Variants in GTPBP10 observed in about 807,000 individuals in gnomAD.
GTPBP10 encodes the protein GTP-binding protein 10.
A neutral mutation model predicts 44.8 loss-of-function variants in GTPBP10; 38 were observed. That is an observed-to-expected ratio of 0.85 (90% confidence interval 0.65 to 1.11). The LOEUF (loss-of-function observed/expected upper bound fraction) is 1.11, where lower values mean the gene tolerates loss of function less well. Ranked by LOEUF, GTPBP10 falls within the 50% of genes most tolerant of loss-of-function variation. The pLI is 0.00. For synonymous variants in GTPBP10, 152 were observed against 150.6 expected, an observed-to-expected ratio of 1.01 and a Z score of -0.07; for missense variants, 462 against 453.7, an observed-to-expected ratio of 1.02 and a Z score of -0.17.
chr7:90,357,801 G>C (rs1420297561), intron 4 of GTPBP10, among the ~76,000 whole-genome samples: 4 of 152,070 alleles, frequency 2.6e-5, no homozygotes, highest in Non-Finnish European at 5.9e-5. Context: ...TTTCATACAT[G>C]GTGGGCCTTT....
rs1252502230 is a variant in GTPBP10, at chr7:90,389,822, C to T, written c.*4668C>T. The T allele has an allele frequency of 3.3e-5, 5 of 151,960 alleles. No homozygotes were observed. The allele number at this position is 151,960 out of a possible 1,614,324, so 9.4% of individuals were successfully genotyped here. A position where few individuals can be genotyped will look rare whatever the true frequency, so the allele number is the denominator to read the frequency against. ...TAGTTTTATTTATTCTTTTTAGAGA[C>T]AGGGTCTCTCTGTGGAGTGCAGTGG... On this transcript the variant is annotated 3_prime_UTR_variant, in exon 10 of 10. Coordinates refer to ENST00000222511, the MANE Select transcript of GTPBP10 (RefSeq NM_033107.4).
intron 1 of GTPBP10, among the ~76,000 whole-genome samples, chr7:90,350,320 G>T (rs966675197): frequency 6.6e-6 from 1 of 152,188 alleles, no homozygotes; most frequent in African/African-American, 2.4e-5. Context: ...CATTTGGGTT[G>T]GTTCCAAGTC....
chr7:90,353,760 C>G (rs980481783), intron 2 of GTPBP10, among the ~76,000 whole-genome samples: 2 of 151,034 alleles, frequency 1.3e-5, no homozygotes, highest in Non-Finnish European at 2.9e-5. Flanking sequence ...TGTAAGTACT[C>G]TCATTTGAGG....
Position 90,358,621 on chromosome 7 carries a change from G to T in GTPBP10, c.464+3391G>T, listed in dbSNP as rs140354918. Among the ~76,000 whole-genome samples the T allele has an allele frequency of 3.9e-5, 6 of 152,160 alleles. No homozygotes were observed. In the East Asian group the frequency reaches 1.2e-3, roughly 29 times the overall value. On this transcript the variant is annotated intron_variant, in intron 4 of 9. Transcript: ENST00000222511. Reference sequence around the variant, plus strand: ...CTCATTATATACGAAAATTAAGATAGATTAAAGATTTTAATCTAAGACCTG... The same window carrying T: ...CTCATTATATACGAAAATTAAGATATATTAAAGATTTTAATCTAAGACCTG...
rs1374517679 is a variant in GTPBP10 at position 90,391,045 on chromosome 7, A to G, written c.*5891A>G. Reference sequence around the variant, plus strand: ...AGTCAAGTGAATTCTAATGGGGGAAATAAGAGGACTATATAAAAATTGAAC... The same window carrying G: ...AGTCAAGTGAATTCTAATGGGGGAAGTAAGAGGACTATATAAAAATTGAAC... On this transcript the variant is annotated 3_prime_UTR_variant, in exon 10 of 10. Coordinates refer to ENST00000222511, the MANE Select transcript of GTPBP10 (RefSeq NM_033107.4). 1 of 152,220 alleles carries G rather than the reference A, an allele frequency of 6.6e-6. No homozygotes were observed. The highest frequency in any genetic ancestry group is 2.4e-5 in the African/African-American group (1 of 41,468). The allele number at this position is 152,220 out of a possible 1,614,324, so 9.4% of individuals were successfully genotyped here. A position where few individuals can be genotyped will look rare whatever the true frequency, so the allele number is the denominator to read the frequency against.
At chr7:90,383,197 G>T (rs1796462311) in intron 9 of GTPBP10, 118 bp downstream of exon 9, 1 of 616,300 alleles carries the variant, frequency 1.6e-6, no homozygotes, top group Non-Finnish European at 2.5e-6. Context: ...TTTGAAGAAA[G>T]AATATACAAA....
At chr7:90,372,099 G>T in intron 4 of GTPBP10, 56 bp from the exon 5 acceptor site, 2 of 1,013,138 alleles carry the variant, frequency 2.0e-6, no homozygotes, top group Non-Finnish European at 3.0e-6. Context: ...TGAATTGTTA[G>T]GAATTCAGAG....
chr7:90,382,983 C>G lies in GTPBP10; in HGVS notation c.805C>G (p.Gln269Glu). ...KELELYKEEL[Q>E]TKPALLAVNK... is the part of the protein sequence containing the mutation. Reference sequence around the variant, plus strand: ...GTTGGAATTGTACAAAGAGGAACTTCAGACAAAACCTGCACTCTTGGCAGT... The same window carrying G: ...GTTGGAATTGTACAAAGAGGAACTTGAGACAAAACCTGCACTCTTGGCAGT... The change falls in exon 9 of 10, where the codon CAG (glutamine) becomes GAG (glutamate). Residue 269 changes from glutamine to glutamate, a missense_variant. By Grantham distance (29) the Gln-to-Glu change is conservative. Transcript: ENST00000222511. 10 of 1,582,740 alleles carry G rather than the reference C, an allele frequency of 6.3e-6. No homozygotes were observed. The highest frequency in any genetic ancestry group is 8.6e-6 in the Non-Finnish European group (10 of 1,160,294).
chr7:90,372,356 T>C, intron 5 of GTPBP10, 128 bp downstream of exon 5: 1 of 627,718 alleles, frequency 1.6e-6, no homozygotes, highest in East Asian at 2.8e-5. Flanking sequence ...GCAGATAGAC[T>C]ACTGTTGCAC....
chr7:90,365,129 C>T (rs1357998589), intron 4 of GTPBP10, among the ~76,000 whole-genome samples: 3 of 152,108 alleles, frequency 2.0e-5, no homozygotes, highest in South Asian at 4.1e-4. Context: ...GGGCTGCACC[C>T]ACTGTCCTGC....
intron 4 of GTPBP10, among the ~76,000 whole-genome samples, chr7:90,363,567 A>AT (rs1251783828): frequency 6.6e-6 from 1 of 151,946 alleles, no homozygotes; most frequent in Non-Finnish European, 1.5e-5. Flanking sequence ...TGCCCTTAAC[A>AT]TTTTTTCCTT....
rs796521597 is a variant in GTPBP10, at chr7:90,389,987, T to A, written c.*4833T>A. 6 of 152,324 alleles carry A rather than the reference T, an allele frequency of 3.9e-5. No homozygotes were observed. The highest frequency in any genetic ancestry group is 1.4e-4 in the African/African-American group (6 of 41,542). 9.4% of individuals were successfully genotyped at this position (152,324 alleles called of 1,614,324 possible). A position where few individuals can be genotyped will look rare whatever the true frequency, so the allele number is the denominator to read the frequency against. ...AAACTATTTTGTAGAGACAGGGTCT[T>A]ACTATGTTGCCCAGAGTGGTCTTGA... On this transcript the variant is annotated 3_prime_UTR_variant, in exon 10 of 10. Coordinates refer to ENST00000222511, the MANE Select transcript of GTPBP10 (RefSeq NM_033107.4).
At chr7:90,373,163 G>A (rs1264266954) in intron 5 of GTPBP10, among the ~76,000 whole-genome samples, 1 of 152,112 alleles carries the variant, frequency 6.6e-6, no homozygotes, top group African/African-American at 2.4e-5. Flanking sequence ...GGAAAGAATC[G>A]AGATGAGCCT....
intron 8 of GTPBP10, among the ~76,000 whole-genome samples, chr7:90,381,828 G>A (rs1796440198): frequency 6.6e-6 from 1 of 152,188 alleles, no homozygotes; most frequent in African/African-American, 2.4e-5. Flanking sequence ...AGTTTTCTTC[G>A]TCAATAAGTG....
At chr7:90,362,398 G>C (rs1479246769) in intron 4 of GTPBP10, among the ~76,000 whole-genome samples, 3 of 152,180 alleles carry the variant, frequency 2.0e-5, no homozygotes, top group African/African-American at 7.2e-5. Context: ...GTACCCAGTA[G>C]TCATTCAGGA....
intron 4 of GTPBP10, among the ~76,000 whole-genome samples, chr7:90,358,956 G>C (rs541153249): frequency 1.1e-4 from 16 of 152,198 alleles, no homozygotes; most frequent in South Asian, 1.0e-3. Context: ...CTCAAAAGAA[G>C]ATATGCATAC....
rs754553760 is a variant in GTPBP10, at chr7:90,355,083, A to G, written c.320-3A>G. 4 of 1,545,090 alleles carry G rather than the reference A, an allele frequency of 2.6e-6. No individual in the cohort carries two copies. Among genetic ancestry groups the G allele is most frequent in the Non-Finnish European group, 3.5e-6 (4 of 1,129,026 alleles). ...TGTAAGTATTTCTCTCCCTCTTTTT[A>G]AGGAGAACTCAATAAAGAAAATGAC... On this transcript the variant is annotated splice_region_variant and splice_polypyrimidine_tract_variant and intron_variant, in intron 3 of 9. Transcript: ENST00000222511.
chr7:90,352,411 C>T (rs760068076), intron 1 of GTPBP10, among the ~76,000 whole-genome samples: 1 of 152,234 alleles, frequency 6.6e-6, no homozygotes, highest in Non-Finnish European at 1.5e-5. Context: ...AATACACATT[C>T]TGCTCACATT....
intron 4 of GTPBP10, among the ~76,000 whole-genome samples, chr7:90,365,079 A>G (rs1363411516): frequency 2.6e-5 from 4 of 152,260 alleles, no homozygotes; most frequent in South Asian, 2.1e-4. Flanking sequence ...GCATTTCCCA[A>G]GTGAGGCAAT....
Sources: allele counts gnomAD v4.1 joint callset (sites outside exome capture counted in the v4.1 genomes callset), GRCh38; gene constraint gnomAD v4.1.1; transcripts MANE v1.5; gene names NCBI Gene and HGNC (gene_info 2026-07-23, HGNC 2026-07-21).